The following PTPRD variants were observed in gnomAD, a reference collection of about 807,000 sequenced individuals.
PTPRD encodes the protein receptor-type tyrosine-protein phosphatase delta.
In PTPRD, 34 loss-of-function variants were observed where a neutral mutation model predicts 214.5. The observed-to-expected ratio is 0.16, with a 90% CI of 0.12 to 0.21. The LOEUF is 0.21. Ranked by LOEUF, PTPRD falls within the 10% of genes least tolerant of loss-of-function variation. The pLI, the probability that PTPRD is intolerant of heterozygous loss-of-function variation, is 1.00. For missense variants in PTPRD, 2,545 were observed against 2,398.7 expected (o/e 1.06, Z -1.27); for synonymous variants, 1,128 against 845.7 (o/e 1.33, Z -5.79).
intron 5 of PTPRD, among the ~76,000 whole-genome samples, chr9:9,789,791 TGTCTCA>T (rs1327168608): frequency 6.0e-5 from 1 of 16,802 alleles, no homozygotes; most frequent in Non-Finnish European, 1.1e-4. Context: ...AGCCAAACTC[TGTCTCA>T]AAAAAAAAAA....
At chr9:9,910,776 T>C (rs2078962407) in intron 5 of PTPRD, among the ~76,000 whole-genome samples, 1 of 152,044 alleles carries the variant, frequency 6.6e-6, no homozygotes, top group African/African-American at 2.4e-5. Context: ...AGCAGGTAAC[T>C]GTTTTCCAAG....
chr9:10,525,951 G>A (rs1007371651), intron 2 of PTPRD, among the ~76,000 whole-genome samples: 3 of 151,902 alleles, frequency 2.0e-5, no homozygotes, highest in African/African-American at 4.8e-5. Context: ...AACCTCATGC[G>A]GTTATTTACA....
At chr9:10,301,687 T>A (rs1216320101) in intron 3 of PTPRD, among the ~76,000 whole-genome samples, 3 of 152,136 alleles carry the variant, frequency 2.0e-5, no homozygotes, top group South Asian at 2.1e-4. Flanking sequence ...GAAGATCAAC[T>A]TAATGAAATA....
rs368988908 is a variant in PTPRD at position 8,588,539 on chromosome 9, C to T, written c.352+44778G>A. On this transcript the variant is annotated intron_variant, in intron 14 of 45. Transcript: ENST00000381196. The stretch of plus-strand genomic sequence containing the variant: ...TTTGCTTTATTATAGAAAGAATAAT[C>T]CTTTGGTAAAAGTGTGCTTATAAAT... Among the ~76,000 whole-genome samples, 27 of 152,092 alleles carry T rather than the reference C, an allele frequency of 1.8e-4. No homozygotes were observed. The South Asian group carries it at 5.4e-3, about 30-fold the overall frequency.
At chr9:10,384,326 A>C (rs555967782) in intron 2 of PTPRD, among the ~76,000 whole-genome samples, 13 of 151,884 alleles carry the variant, frequency 8.6e-5, no homozygotes, top group African/African-American at 2.4e-4. Context: ...ACAAAAATTA[A>C]AATAAAAATA....
intron 9 of PTPRD, among the ~76,000 whole-genome samples, chr9:9,199,363 A>G (rs1277700423): frequency 2.0e-5 from 3 of 152,318 alleles, no homozygotes; most frequent in African/African-American, 7.2e-5. Context: ...TAGATGCCTT[A>G]AGTAAAATCT....
chr9:9,522,382 A>G (rs2097002375), intron 8 of PTPRD, among the ~76,000 whole-genome samples: 1 of 152,158 alleles, frequency 6.6e-6, no homozygotes, highest in Non-Finnish European at 1.5e-5. Context: ...AAAGATTTCT[A>G]AAGGGAACTA....
chr9:10,312,143 C>T (rs922202425), intron 3 of PTPRD, among the ~76,000 whole-genome samples: 8 of 151,922 alleles, frequency 5.3e-5, no homozygotes, highest in Admixed American at 3.3e-4. Context: ...TGATTTGGTA[C>T]TGTCATTTGA....
At chr9:10,271,504 A>T (rs996265635) in intron 3 of PTPRD, among the ~76,000 whole-genome samples, 6 of 150,886 alleles carry the variant, frequency 4.0e-5, no homozygotes, top group African/African-American at 1.5e-4. Context: ...AATAAGCATC[A>T]CTAACCAATA....
chr9:9,802,440 C>G (rs1363401846), intron 5 of PTPRD, among the ~76,000 whole-genome samples: 1 of 151,866 alleles, frequency 6.6e-6, no homozygotes, highest in Admixed American at 6.6e-5. Context: ...TAATTTGCTC[C>G]TAAATTAGCC....
intron 2 of PTPRD, among the ~76,000 whole-genome samples, chr9:10,485,100 A>C (rs1289758450): frequency 6.6e-6 from 1 of 151,928 alleles, no homozygotes; most frequent in African/African-American, 2.4e-5. Flanking sequence ...CAGTTTTTCC[A>C]GCACTATTTA....
At chr9:10,439,441 A>C (rs1039370430) in intron 2 of PTPRD, among the ~76,000 whole-genome samples, 8 of 151,828 alleles carry the variant, frequency 5.3e-5, no homozygotes, top group African/African-American at 9.7e-5. Context: ...AGAATGAAAA[A>C]GGAAGATAAA....
intron 11 of PTPRD, among the ~76,000 whole-genome samples, chr9:8,953,186 T>G (rs1489988737): frequency 6.6e-6 from 1 of 151,824 alleles, no homozygotes; most frequent in Non-Finnish European, 1.5e-5. Context: ...TGTGCAAAAG[T>G]GTGAGTGAAA....
At chr9:8,845,944 G>A (rs919281057) in intron 11 of PTPRD, among the ~76,000 whole-genome samples, 2 of 152,194 alleles carry the variant, frequency 1.3e-5, no homozygotes, top group Non-Finnish European at 2.9e-5. Context: ...CAGCCTGGAT[G>A]AGGCCCCTTA....
chr9:9,838,444 T>C (rs1024466773), intron 5 of PTPRD, among the ~76,000 whole-genome samples: 2 of 152,164 alleles, frequency 1.3e-5, no homozygotes, highest in African/African-American at 2.4e-5. Flanking sequence ...TTTCCTGACT[T>C]TTTAATGATT....
At chr9:9,780,935 A>C (rs1333159529) in intron 5 of PTPRD, among the ~76,000 whole-genome samples, 1 of 152,210 alleles carries the variant, frequency 6.6e-6, no homozygotes, top group East Asian at 1.9e-4. Flanking sequence ...CCAGTCTAGA[A>C]AATCTGTGCA....
At chr9:9,268,255 C>T (rs531763048) in intron 9 of PTPRD, among the ~76,000 whole-genome samples, 2 of 150,822 alleles carry the variant, frequency 1.3e-5, no homozygotes, top group South Asian at 4.2e-4. Context: ...GAAAACAATC[C>T]TATTTACAAC....
At chr9:9,733,329 G>A (rs1441209875) in intron 7 of PTPRD, among the ~76,000 whole-genome samples, 2 of 152,122 alleles carry the variant, frequency 1.3e-5, no homozygotes, top group Non-Finnish European at 2.9e-5. Context: ...TATGGGAAAG[G>A]CATCATTCAG....
chr9:9,535,806 A>G (rs828822), intron 8 of PTPRD, among the ~76,000 whole-genome samples: 16,179 of 152,106 alleles, frequency 0.11, 1,022 homozygotes, highest in East Asian at 0.18. Context: ...ACTTCAGTGT[A>G]TAAAGAGTTA....
Sources: allele counts gnomAD v4.1 joint callset (sites outside exome capture counted in the v4.1 genomes callset), GRCh38; gene constraint gnomAD v4.1.1; transcripts MANE v1.5; gene names NCBI Gene and HGNC (gene_info 2026-07-23, HGNC 2026-07-21).